The following RIMS2 variants were observed in gnomAD, a reference collection of about 807,000 sequenced individuals.
RIMS2 encodes regulating synaptic membrane exocytosis protein 2.
A neutral mutation model predicts 174.4 loss-of-function variants in RIMS2; 59 were observed. The ratio of observed to expected loss-of-function variants is 0.34; its 90% CI spans 0.27 to 0.42. RIMS2 has a LOEUF of 0.42. Among genes scored for constraint, RIMS2 ranks in the 10% least tolerant of loss-of-function variants. The pLI, the probability that RIMS2 is intolerant of heterozygous loss-of-function variation, is 1.00. For missense variants in RIMS2, 1,620 were observed against 1,666.3 expected, an observed-to-expected ratio of 0.97 and a Z score of 0.48; for synonymous variants, 606 against 572.5, an observed-to-expected ratio of 1.06 and a Z score of -0.84.
At chr8:103,764,789 A>C (rs1373345873) in intron 2 of RIMS2, among the ~76,000 whole-genome samples, 1 of 152,136 alleles carries the variant, frequency 6.6e-6, no homozygotes, top group Non-Finnish European at 1.5e-5. Context: ...AACAACCTAA[A>C]CTTAGCAAAC....
intron 1 of RIMS2, among the ~76,000 whole-genome samples, chr8:103,548,157 T>G (rs1450468594): frequency 6.6e-6 from 1 of 152,154 alleles, no homozygotes; most frequent in Non-Finnish European, 1.5e-5. Context: ...CCTTAACTCA[T>G]TCTATGAGGC....
intron 19 of RIMS2, among the ~76,000 whole-genome samples, chr8:104,135,869 T>C (rs1292272329): frequency 1.3e-5 from 2 of 152,094 alleles, no homozygotes; most frequent in African/African-American, 4.8e-5. Flanking sequence ...TGTTGAAGAA[T>C]AGAGATAACT....
exon 18 of RIMS2, chr8:104,013,531 G>C: frequency 6.2e-7 from 1 of 1,613,832 alleles, no homozygotes; most frequent in South Asian, 1.1e-5. Flanking sequence ...ACCCGCTCCA[G>C]ATCCACTGAA....
intron 1 of RIMS2, among the ~76,000 whole-genome samples, chr8:103,572,078 C>T (rs1267280724): frequency 6.6e-6 from 1 of 152,098 alleles, no homozygotes; most frequent in African/African-American, 2.4e-5. Flanking sequence ...GATGGTGTGT[C>T]AGGAGTTTGT....
At chr8:103,622,489 A>AT (rs1254000819) in intron 1 of RIMS2, among the ~76,000 whole-genome samples, 6 of 152,106 alleles carry the variant, frequency 3.9e-5, no homozygotes, top group African/African-American at 1.4e-4. Flanking sequence ...CTATTTTTCA[A>AT]TTTTTTATAT....
At chr8:103,506,990 T>C (rs1050823760) in intron 1 of RIMS2, among the ~76,000 whole-genome samples, 5 of 152,142 alleles carry the variant, frequency 3.3e-5, no homozygotes, top group Admixed American at 1.3e-4. Context: ...TAGATTTGCC[T>C]TGGTTAAACT....
At chr8:104,048,661 T>G (rs966427627) in intron 19 of RIMS2, among the ~76,000 whole-genome samples, 2 of 152,172 alleles carry the variant, frequency 1.3e-5, no homozygotes, top group African/African-American at 4.8e-5. Context: ...GGGCAATGGC[T>G]AAATAAGTTA....
intron 2 of RIMS2, among the ~76,000 whole-genome samples, chr8:103,717,309 T>TA (rs10710945): frequency 0.04 from 5,722 of 142,266 alleles, 151 homozygotes; most frequent in African/African-American, 0.075. Context: ...TTTCTTTCCT[T>TA]AAAAAAAAAA....
intron 15 of RIMS2, among the ~76,000 whole-genome samples, chr8:103,967,981 C>T (rs976347816): frequency 2.6e-5 from 4 of 151,894 alleles, no homozygotes; most frequent in African/African-American, 7.3e-5. Context: ...TCACCTCAGC[C>T]TCCTGAGTAG....
intron 1 of RIMS2, among the ~76,000 whole-genome samples, chr8:103,622,022 C>A (rs1350990786): frequency 1.3e-5 from 2 of 151,860 alleles, no homozygotes; most frequent in East Asian, 1.9e-4. Flanking sequence ...TGTGATTTGC[C>A]ATAGTATCAT....
chr8:103,951,824 A>G (rs916174547), intron 14 of RIMS2, among the ~76,000 whole-genome samples: 20 of 152,326 alleles, frequency 1.3e-4, no homozygotes, highest in African/African-American at 4.3e-4. Context: ...TCCCACCTCA[A>G]TGGAGCCCAG....
At chr8:104,250,977 A>G (rs774652532) in intron 22 of RIMS2, 47 bp from the exon 29 acceptor site, 8 of 1,563,386 alleles carry the variant, frequency 5.1e-6, no homozygotes, top group Non-Finnish European at 7.0e-6. Context: ...CGGCCATTTC[A>G]TGTCCATAGT....
intron 1 of RIMS2, among the ~76,000 whole-genome samples, chr8:103,653,289 G>A (rs907997268): frequency 6.6e-5 from 10 of 152,154 alleles, no homozygotes; most frequent in Non-Finnish European, 1.2e-4. Flanking sequence ...AAGCATTAAA[G>A]AAGTATTGAT....
chr8:103,846,324 A>G (rs533786812), intron 3 of RIMS2, among the ~76,000 whole-genome samples: 63 of 152,148 alleles, frequency 4.1e-4, no homozygotes, highest in Non-Finnish European at 7.4e-4. Context: ...TTATAGTGGG[A>G]ATGCACTTCA....
At chr8:103,636,782 C>G (rs981776085) in intron 1 of RIMS2, among the ~76,000 whole-genome samples, 2 of 56,228 alleles carry the variant, frequency 3.6e-5, no homozygotes, top group African/African-American at 1.7e-4. Context: ...TATAACCCAC[C>G]CCCGCACCCC....
chr8:103,783,199 C>T (rs2098407797), intron 3 of RIMS2, among the ~76,000 whole-genome samples: 1 of 151,872 alleles, frequency 6.6e-6, no homozygotes, highest in Non-Finnish European at 1.5e-5. Flanking sequence ...GCCCTCAGCC[C>T]TTAGGGGCTA....
intron 20 of RIMS2, among the ~76,000 whole-genome samples, chr8:104,246,121 C>A (rs1047471586): frequency 2.0e-5 from 3 of 152,218 alleles, no homozygotes; most frequent in African/African-American, 7.2e-5. Flanking sequence ...ATAGCCCCTG[C>A]TCCAGATGTT....
intron 1 of RIMS2, among the ~76,000 whole-genome samples, chr8:103,632,377 C>A (rs984057574): frequency 1.3e-5 from 2 of 152,144 alleles, no homozygotes; most frequent in Non-Finnish European, 2.9e-5. Flanking sequence ...TTGAGATAAT[C>A]ATGTGTTTTT....
At chr8:103,538,330 T>A (rs960283807) in intron 1 of RIMS2, among the ~76,000 whole-genome samples, 1 of 152,212 alleles carries the variant, frequency 6.6e-6, no homozygotes, top group South Asian at 2.1e-4. Flanking sequence ...TATTCTTTTT[T>A]AAAAATTTTA....
Sources: allele counts gnomAD v4.1 joint callset (sites outside exome capture counted in the v4.1 genomes callset), GRCh38; gene constraint gnomAD v4.1.1; transcripts MANE v1.5; gene names NCBI Gene and HGNC (gene_info 2026-07-23, HGNC 2026-07-21).